Variants in LYZL4 observed in about 807,000 individuals in gnomAD.
The protein encoded by LYZL4 is lysozyme-like protein 4.
LYZL4 carries 13 observed loss-of-function variants against 17.6 expected under a neutral mutation model. That is an observed-to-expected ratio of 0.74 (90% CI 0.48 to 1.18). The LOEUF (loss-of-function observed/expected upper bound fraction) is 1.18. Ranked by LOEUF, LYZL4 falls within the 50% of genes most tolerant of loss-of-function variation. The probability of loss-of-function intolerance (pLI) is 0.00; values close to 1 mark genes in which losing one functional copy is unlikely to be tolerated. For synonymous variants in LYZL4, 64 were observed against 67.7 expected (o/e 0.95, Z 0.27); for missense variants, 174 against 188.2 (o/e 0.92, Z 0.44).
chr3:42,368,727 T>A, the LYZL4 span, among the ~76,000 whole-genome samples: 1 of 152,188 alleles, frequency 6.6e-6, no homozygotes, highest in African/African-American at 2.4e-5. Flanking sequence ...TCTAGAAAGG[T>A]CTTCTCTAAC....
At chr3:42,375,425 C>T in the LYZL4 span, among the ~76,000 whole-genome samples, 1 of 152,234 alleles carries the variant, frequency 6.6e-6, no homozygotes, top group Non-Finnish European at 1.5e-5. Flanking sequence ...TTGCCCAGTA[C>T]ACTGGGAGCC....
At chr3:42,382,469 T>G in the LYZL4 span, among the ~76,000 whole-genome samples, 2 of 152,214 alleles carry the variant, frequency 1.3e-5, no homozygotes, top group Admixed American at 1.3e-4. Flanking sequence ...AAGAAAAATA[T>G]TATTGCTATT....
chr3:42,373,940 T>C, the LYZL4 span, among the ~76,000 whole-genome samples: 2 of 152,186 alleles, frequency 1.3e-5, no homozygotes, highest in African/African-American at 2.4e-5. Flanking sequence ...TTGTGACTTC[T>C]AAATGTAAGG....
intron 3 of LYZL4, among the ~76,000 whole-genome samples, chr3:42,405,056 CT>C (rs915938847): frequency 8.7e-5 from 13 of 148,784 alleles, no homozygotes; most frequent in South Asian, 8.6e-4. Context: ...TCATGTCGTT[CT>C]TTTTTTTTTG....
rs756556356 is a variant in LYZL4 at position 42,401,156 on chromosome 3, G to A, written c.371+2890C>T. Among the ~76,000 whole-genome samples, 5 of 152,162 alleles carry A rather than the reference G, an allele frequency of 3.3e-5. No homozygotes were observed. In the East Asian group the frequency reaches 5.8e-4, roughly 18 times the overall value. On this transcript the variant is annotated intron_variant, in intron 4 of 4. Coordinates refer to ENST00000287748, the MANE Select transcript of LYZL4 (RefSeq NM_144634.4). ...AGGGTAAAGAGGATAAAGCTAACAC[G>A]GGACCTATGCGGAAATATCACAAAA...
At chr3:42,366,435 T>C in the LYZL4 span, among the ~76,000 whole-genome samples, 1 of 152,154 alleles carries the variant, frequency 6.6e-6, no homozygotes, top group East Asian at 1.9e-4. Context: ...GCAGAAGCTA[T>C]GCCACTGCTG....
intron 4 of LYZL4, among the ~76,000 whole-genome samples, chr3:42,402,484 A>C (rs1001252050): frequency 4.6e-5 from 7 of 152,308 alleles, no homozygotes; most frequent in Admixed American, 6.5e-5. Flanking sequence ...AAAATTGACA[A>C]AAGATTTGAA....
At chr3:42,382,737 C>T in the LYZL4 span, among the ~76,000 whole-genome samples, 2 of 151,958 alleles carry the variant, frequency 1.3e-5, no homozygotes, top group African/African-American at 4.8e-5. Context: ...CCCTGAATGG[C>T]CTCCATTTTA....
At chr3:42,373,261 G>C in the LYZL4 span, among the ~76,000 whole-genome samples, 1 of 152,048 alleles carries the variant, frequency 6.6e-6, no homozygotes. Flanking sequence ...GCTTGGAGCT[G>C]GTGCGGAGAG....
the LYZL4 span, among the ~76,000 whole-genome samples, chr3:42,369,874 A>T: frequency 6.6e-6 from 1 of 152,166 alleles, no homozygotes; most frequent in African/African-American, 2.4e-5. Context: ...GTTCAGTTTT[A>T]TCACCTGGGT....
chr3:42,375,090 T>C, the LYZL4 span, among the ~76,000 whole-genome samples: 2 of 152,034 alleles, frequency 1.3e-5, no homozygotes, highest in African/African-American at 4.8e-5. Context: ...GGATTACAGG[T>C]GTGAGCCACT....
chr3:42,362,394 G>A, the LYZL4 span, among the ~76,000 whole-genome samples: 2 of 152,186 alleles, frequency 1.3e-5, no homozygotes, highest in Non-Finnish European at 2.9e-5. Flanking sequence ...AATTCATGGA[G>A]GTTATCTTAG....
the LYZL4 span, among the ~76,000 whole-genome samples, chr3:42,369,128 G>A: frequency 6.6e-6 from 1 of 152,298 alleles, no homozygotes; most frequent in East Asian, 1.9e-4. Flanking sequence ...CCTAATGAAG[G>A]TATAGATCTG....
chr3:42,396,128 G>A (rs907084583), downstream of LYZL4, among the ~76,000 whole-genome samples: 3 of 152,086 alleles, frequency 2.0e-5, no homozygotes, highest in African/African-American at 7.2e-5. Flanking sequence ...AATATGGTGT[G>A]TCATATACTG....
At chr3:42,384,880 T>C in the LYZL4 span, among the ~76,000 whole-genome samples, 1 of 152,144 alleles carries the variant, frequency 6.6e-6, no homozygotes, top group Non-Finnish European at 1.5e-5. Flanking sequence ...AACCAAGAAG[T>C]AGGAAAAGAG....
chr3:42,379,654 A>G, the LYZL4 span, among the ~76,000 whole-genome samples: 2 of 152,238 alleles, frequency 1.3e-5, no homozygotes, highest in South Asian at 4.1e-4. Context: ...GAACTCTGCC[A>G]TCAAAGAAAC....
the LYZL4 span, among the ~76,000 whole-genome samples, chr3:42,369,371 T>C: frequency 1.3e-5 from 2 of 152,256 alleles, no homozygotes; most frequent in African/African-American, 2.4e-5. Flanking sequence ...TCATATTTTG[T>C]CTTTAAAGTG....
At chr3:42,384,346 C>A in the LYZL4 span, among the ~76,000 whole-genome samples, 1 of 151,920 alleles carries the variant, frequency 6.6e-6, no homozygotes, top group African/African-American at 2.4e-5. Context: ...GGGTATAAAC[C>A]AAGAAGAAAG....
intron 4 of LYZL4, among the ~76,000 whole-genome samples, chr3:42,403,751 A>G (rs1698700879): frequency 6.6e-6 from 1 of 152,222 alleles, no homozygotes; most frequent in Non-Finnish European, 1.5e-5. Flanking sequence ...GATAGAAATA[A>G]TCAGAGATTA....
Sources: allele counts gnomAD v4.1 joint callset (sites outside exome capture counted in the v4.1 genomes callset), GRCh38; gene constraint gnomAD v4.1.1; transcripts MANE v1.5; gene names NCBI Gene and HGNC (gene_info 2026-07-23, HGNC 2026-07-21).